Variants in ATAD2 observed in about 807,000 individuals in gnomAD.
ATAD2 encodes the protein ATPase family AAA domain-containing protein 2.
A neutral mutation model predicts 168.9 loss-of-function variants in ATAD2; 62 were observed. The ratio of observed to expected loss-of-function variants is 0.37; its 90% CI spans 0.30 to 0.45. The LOEUF (loss-of-function observed/expected upper bound fraction) is 0.45. ATAD2 is among the 20% of genes least tolerant of loss of function. ATAD2 has a pLI of 1.00. For synonymous variants in ATAD2, 613 were observed against 571.6 expected, an observed-to-expected ratio of 1.07 and a Z score of -1.03; for missense variants, 1,419 against 1,667.8, an observed-to-expected ratio of 0.85 and a Z score of 2.60.
chr8:123,385,595 G>A (rs1241922173), intron 1 of ATAD2, among the ~76,000 whole-genome samples: 1 of 151,996 alleles, frequency 6.6e-6, no homozygotes, highest in Admixed American at 6.6e-5. Context: ...ATTGGATTTG[G>A]CAATGATTTC....
rs1315271985 is a variant in ATAD2 at position 123,380,555 on chromosome 8, T to A, written c.294A>T (p.Gln98His). ...TTGTAAAATGCCTGCCATTAGCAAG[T>A]TGCTCCGTTATTTCCACATTCTTCT... Reference protein sequence around the residue: ...SFEKNVEITEQLANGRHFTRQ... With the variant: ...SFEKNVEITEHLANGRHFTRQ... The change falls in exon 2 of 28, where the codon CAA becomes CAT. Residue 98 changes from glutamine to histidine, a missense_variant. This residue lies in a region of ATAD2 where 419 missense variants were observed against 423.5 expected (regional missense o/e 0.99). Coordinates refer to ENST00000287394, the MANE Select transcript of ATAD2 (RefSeq NM_014109.4). 1.6e-5 allele frequency: 26 copies of A among 1,613,972 alleles called. No individual in the cohort carries two copies. Among genetic ancestry groups the A allele is most frequent in the Non-Finnish European group, 2.2e-5 (26 of 1,179,994 alleles).
chr8:123,371,868 A>G (rs779644067), intron 3 of ATAD2, 33 bp from the exon 4 acceptor site: 12 of 1,484,926 alleles, frequency 8.1e-6, no homozygotes, highest in Admixed American at 2.4e-5. Context: ...ATAAATAGAA[A>G]CATTTGAAAT....
rs1365681670 is a variant in ATAD2 at position 123,323,031 on chromosome 8, G to C, written c.4038C>G (p.Asn1346Lys). 6.2e-7 allele frequency: 1 copy of C among 1,611,954 alleles called. No individual in the cohort carries two copies. Among genetic ancestry groups the C allele is most frequent in the Non-Finnish European group, 8.5e-7 (1 of 1,178,490 alleles). Residue 1346 changes from asparagine (N) to lysine (K), a missense_variant, in exon 27 of 28, where the codon AAC (asparagine) becomes AAG (lysine). Asn to Lys is a moderately conservative substitution (Grantham distance 94, BLOSUM62 0). Coordinates refer to ENST00000287394, the MANE Select transcript of ATAD2 (RefSeq NM_014109.4). ...LLKTVVKKSQ[N>K]YNIFQLENLY... The stretch of plus-strand genomic sequence containing the variant: ...AATTTTCCAACTGAAATATGTTGTA[G>C]TTTTGACTTTTTTTAACAACAGTCT...
At chr8:123,363,977 T>A (rs955723165) in intron 8 of ATAD2, among the ~76,000 whole-genome samples, 3 of 152,210 alleles carry the variant, frequency 2.0e-5, no homozygotes, top group Non-Finnish European at 4.4e-5. Flanking sequence ...TCCAGTTTTT[T>A]AATTTCATAA....
intron 24 of ATAD2, among the ~76,000 whole-genome samples, chr8:123,329,221 G>A (rs1827703482): frequency 1.3e-5 from 2 of 152,148 alleles, no homozygotes; most frequent in South Asian, 4.1e-4. Context: ...AGAAGGGCAA[G>A]ACTTGAAATA....
chr8:123,338,403 T>C (rs1432529163), intron 20 of ATAD2, among the ~76,000 whole-genome samples: 1 of 151,654 alleles, frequency 6.6e-6, no homozygotes, highest in East Asian at 1.9e-4. Flanking sequence ...AACTTTGAAA[T>C]TGCATTATTT....
chr8:123,359,254 T>C lies in ATAD2; in HGVS notation c.1349A>G (p.Glu450Gly). The C allele has an allele frequency of 6.2e-7, 1 of 1,606,520 alleles. No individual in the cohort carries two copies. Among genetic ancestry groups the C allele is most frequent in the Non-Finnish European group, 8.5e-7 (1 of 1,177,108 alleles). ...TTGAATTTTAAATTTTTCAAAGACT[T>C]CTGGATAAAGTAATGGAAACACCAC... ...EMVVFPLLYP[E>G]VFEKFKIQPP... The change falls in exon 11 of 28, where the codon GAA becomes GGA. Residue 450 changes from glutamate to glycine, a missense_variant. Glu to Gly is a moderately conservative substitution (Grantham distance 98). Around this residue, in one of 5 missense-constraint regions of ATAD2, gnomAD observed 146 missense variants for 188.3 expected, o/e 0.78. Coordinates refer to ENST00000287394, the MANE Select transcript of ATAD2 (RefSeq NM_014109.4).
chr8:123,332,488 C>G (rs1371336876), intron 24 of ATAD2, among the ~76,000 whole-genome samples: 1 of 152,070 alleles, frequency 6.6e-6, no homozygotes, highest in African/African-American at 2.4e-5. Context: ...CCATTTTTGA[C>G]TTCATACATA....
intron 2 of ATAD2, among the ~76,000 whole-genome samples, chr8:123,375,122 G>A (rs1321448796): frequency 6.6e-6 from 1 of 152,142 alleles, no homozygotes; most frequent in East Asian, 1.9e-4. Context: ...AATACTGTAG[G>A]CTCTTTTATA....
intron 1 of ATAD2, among the ~76,000 whole-genome samples, chr8:123,411,820 T>C (rs1322550852): frequency 6.6e-6 from 1 of 151,872 alleles, no homozygotes; most frequent in African/African-American, 2.4e-5. Context: ...TAATAGAAAG[T>C]TTAGAAACAG....
At chr8:123,348,013 A>C (rs1160300924) in intron 15 of ATAD2, 170 bp downstream of exon 15, 4 of 675,872 alleles carry the variant, frequency 5.9e-6, no homozygotes, top group Admixed American at 5.3e-5. Context: ...AGAGATAAGA[A>C]ACAAATATAA....
intron 1 of ATAD2, among the ~76,000 whole-genome samples, chr8:123,411,049 C>T (rs180861324): frequency 3.9e-5 from 6 of 152,270 alleles, no homozygotes; most frequent in Admixed American, 3.3e-4. Flanking sequence ...ATCCATGAGG[C>T]CAAGAACCCC....
At chr8:123,366,477 C>A (rs887293558) in intron 8 of ATAD2, among the ~76,000 whole-genome samples, 12 of 152,162 alleles carry the variant, frequency 7.9e-5, no homozygotes, top group Admixed American at 7.2e-4. Context: ...TTTATAGCAG[C>A]ACAATTCGCA....
Position 123,339,293 on chromosome 8 carries a change from T to TTTGA in ATAD2, c.2854+14_2854+17dup, listed in dbSNP as rs1477923130. The TTTGA allele has an allele frequency of 2.7e-6, 4 of 1,505,598 alleles. No homozygotes were observed. In the East Asian group the frequency reaches 9.1e-5, roughly 34 times the overall value. The allele number at this position is 1,505,598 out of a possible 1,614,324, so 93.3% of individuals were successfully genotyped here. ...TTTCTCAAAATTATTAAATATTAAC[T>TTTGA]TTGATATAGAAACTAACCTGCTTTC... On this transcript the variant is annotated intron_variant, in intron 20 of 27. Transcript: ENST00000287394.
At chr8:123,396,787 TG>T (rs1443223582), upstream of ATAD2, among the ~76,000 whole-genome samples, 2 of 152,074 alleles carry the variant, frequency 1.3e-5, no homozygotes, top group Admixed American at 1.3e-4. Flanking sequence ...GATTGGCTGG[TG>T]GGGTCCGGCG....
intron 19 of ATAD2, among the ~76,000 whole-genome samples, chr8:123,344,319 A>G (rs1356954882): frequency 1.3e-5 from 2 of 150,968 alleles, no homozygotes; most frequent in African/African-American, 4.9e-5. Context: ...AATAGTATGT[A>G]TCATATACTC....
chr8:123,349,417 A>G lies in ATAD2; in HGVS notation c.1674T>C (p.Leu558=). Residue 558 remains leucine (L), a synonymous_variant, in exon 14 of 28, where the codon CTT becomes CTC. Coordinates refer to ENST00000287394, the MANE Select transcript of ATAD2 (RefSeq NM_014109.4). ...CCCCTCTGCTGTCCAATCCATCCAT[A>G]AGAGCTAGCAGGGTGGAAACAATAG... The part of the protein sequence containing the change: ...HSSIVSTLLA[L]MDGLDSRGEI... 6.2e-7 allele frequency: 1 copy of G among 1,613,966 alleles called. No homozygotes were observed. The highest frequency in any genetic ancestry group is 8.5e-7 in the Non-Finnish European group (1 of 1,179,914).
chr8:123,325,923 G>A lies in ATAD2; in HGVS notation c.3972C>T (p.Pro1324=). The A allele has an allele frequency of 1.2e-6, 2 of 1,614,140 alleles. No individual in the cohort carries two copies. The highest frequency in any genetic ancestry group is 1.1e-5 in the South Asian group (1 of 91,082). Residue 1324 remains proline, a synonymous_variant, in exon 26 of 28, where the codon CCC becomes CCT. Coordinates refer to ENST00000287394, the MANE Select transcript of ATAD2 (RefSeq NM_014109.4). ...ATCGCTCATGATCCACAACAAGTGA[G>A]GGTGTAGGCTGAGAAAGAATTGCCA... is the stretch of plus-strand genomic sequence containing the variant. ...KALAILSQPT[P]SLVVDHERLK... is the part of the protein sequence containing the mutation.
intron 1 of ATAD2, among the ~76,000 whole-genome samples, chr8:123,387,653 T>A (rs1393678887): frequency 2.0e-5 from 3 of 152,186 alleles, no homozygotes; most frequent in Admixed American, 2.0e-4. Context: ...TCTTTAAAAG[T>A]GAAGTTTTAA....
Sources: gnomAD v4.1 joint callset for allele counts (sites outside exome capture counted in the v4.1 genomes callset) on GRCh38, gnomAD v4.1.1 for gene constraint, gnomAD v4.1.1 regional missense constraint, MANE v1.5 for transcripts, NCBI Gene and HGNC (gene_info 2026-07-23, HGNC 2026-07-21) for gene names.